The following RBFOX1 variants were observed in gnomAD, a reference collection of about 807,000 sequenced individuals.
RBFOX1 encodes the protein RNA binding protein fox-1 homolog 1.
Under a neutral mutation model 57.7 loss-of-function variants are expected in RBFOX1, and 8 were observed. That is an observed-to-expected ratio of 0.14 (90% CI 0.08 to 0.25). RBFOX1 has a LOEUF of 0.25. Among genes scored for constraint, RBFOX1 ranks in the 10% least tolerant of loss-of-function variants. RBFOX1 has a pLI of 1.00. For missense variants in RBFOX1, 611 were observed against 548.5 expected, an observed-to-expected ratio of 1.11 and a Z score of -1.14; for synonymous variants, 326 against 222.4, an observed-to-expected ratio of 1.47 and a Z score of -4.15.
At chr16:5,692,773 C>T (rs1045357982) in intron 3 of RBFOX1, among the ~76,000 whole-genome samples, 7 of 151,930 alleles carry the variant, frequency 4.6e-5, no homozygotes, top group South Asian at 2.1e-4. Context: ...CACAGCCCAC[C>T]GAACAAGAAA....
chr16:5,805,102 A>T, intron 3 of RBFOX1, among the ~76,000 whole-genome samples: 1 of 152,012 alleles, frequency 6.6e-6, no homozygotes, highest in East Asian at 1.9e-4. Context: ...ATTTGGGCTA[A>T]AAGCTGGGAA....
intron 1 of RBFOX1, among the ~76,000 whole-genome samples, chr16:6,118,173 T>C (rs2096517723): frequency 6.6e-6 from 1 of 152,214 alleles, no homozygotes; most frequent in South Asian, 2.1e-4. Context: ...TGCTGTTAAC[T>C]GAAATATATA....
At chr16:6,296,240 A>C (rs1415646771) in intron 1 of RBFOX1, among the ~76,000 whole-genome samples, 1 of 152,158 alleles carries the variant, frequency 6.6e-6, no homozygotes, top group African/African-American at 2.4e-5. Flanking sequence ...TGCCAAGTTC[A>C]GTGCTAGATT....
intron 10 of RBFOX1, among the ~76,000 whole-genome samples, chr16:7,620,077 C>G (rs1046924125): frequency 3.3e-5 from 5 of 152,128 alleles, no homozygotes; most frequent in African/African-American, 7.2e-5. Flanking sequence ...GTTTAGTGGC[C>G]AAACACAATA....
chr16:5,620,711 C>G (rs1409993900), intron 3 of RBFOX1, among the ~76,000 whole-genome samples: 3 of 152,180 alleles, frequency 2.0e-5, no homozygotes, highest in African/African-American at 7.2e-5. Context: ...TAGGGTCTCA[C>G]TCTGTCTCCC....
At chr16:6,743,526 G>T (rs887176346) in intron 3 of RBFOX1, among the ~76,000 whole-genome samples, 1 of 152,104 alleles carries the variant, frequency 6.6e-6, no homozygotes, top group Non-Finnish European at 1.5e-5. Context: ...AGGATGCCTT[G>T]AGCCCAGGAG....
At chr16:7,218,708 C>A (rs1260879298) in intron 4 of RBFOX1, among the ~76,000 whole-genome samples, 5 of 136,722 alleles carry the variant, frequency 3.7e-5, no homozygotes, top group East Asian at 4.2e-4. Context: ...GGCTGTGAGA[C>A]TTTGGTAAGT....
At chr16:7,160,900 C>G (rs1007581935) in intron 4 of RBFOX1, among the ~76,000 whole-genome samples, 30 of 151,388 alleles carry the variant, frequency 2.0e-4, no homozygotes, top group African/African-American at 7.1e-4. Context: ...CAATTCAACT[C>G]TAACTTCTTC....
intron 1 of RBFOX1, among the ~76,000 whole-genome samples, chr16:6,186,580 G>A (rs927966537): frequency 2.0e-5 from 3 of 152,232 alleles, no homozygotes; most frequent in African/African-American, 7.2e-5. Flanking sequence ...CTAGCTTCAC[G>A]TTGAAAGCAG....
chr16:7,430,433 A>G (rs2098667651), intron 4 of RBFOX1, among the ~76,000 whole-genome samples: 1 of 152,134 alleles, frequency 6.6e-6, no homozygotes, highest in South Asian at 2.1e-4. Context: ...AGGCTGAGGC[A>G]GGCAGATCAC....
At chr16:5,998,781 G>A (rs537975467) in intron 4 of RBFOX1, among the ~76,000 whole-genome samples, 1 of 152,304 alleles carries the variant, frequency 6.6e-6, no homozygotes, top group Admixed American at 6.5e-5. Flanking sequence ...CTTCTGGTCT[G>A]TCGGCATCTT....
At chr16:5,743,672 T>G (rs558872788) in intron 3 of RBFOX1, among the ~76,000 whole-genome samples, 1 of 152,338 alleles carries the variant, frequency 6.6e-6, no homozygotes, top group South Asian at 2.1e-4. Context: ...TTTTTGTTTA[T>G]TACGCTAAGA....
At chr16:6,339,128 A>T (rs1160000777) in intron 2 of RBFOX1, among the ~76,000 whole-genome samples, 1 of 152,224 alleles carries the variant, frequency 6.6e-6, no homozygotes, top group African/African-American at 2.4e-5. Context: ...TTAAATGAAT[A>T]TTTTATGGAA....
chr16:6,093,311 C>T (rs74661293), intron 1 of RBFOX1, among the ~76,000 whole-genome samples: 2,887 of 151,932 alleles, frequency 0.019, 105 homozygotes, highest in African/African-American at 0.067. Context: ...CAGTGGCTCG[C>T]ACCTGTAGGC....
At position 6,953,709 on chromosome 16, in the gene RBFOX1, C is replaced by T. The variant is rs142994052; in HGVS notation, c.-15-98348C>T. Among the ~76,000 whole-genome samples the T allele has an allele frequency of 7.9e-5, 12 of 152,276 alleles. No individual in the cohort carries two copies. The East Asian group carries it at 2.1e-3, about 27-fold the overall frequency. ...GCCTCACACGCACACGATATTTACACATACATACATATAAATATACATATT... is the reference window on the plus strand; with the variant it reads ...GCCTCACACGCACACGATATTTACATATACATACATATAAATATACATATT... On this transcript the variant is annotated intron_variant, in intron 3 of 15. Transcript: ENST00000550418.
intron 2 of RBFOX1, among the ~76,000 whole-genome samples, chr16:6,606,494 C>G (rs2097928017): frequency 6.6e-6 from 1 of 152,220 alleles, no homozygotes; most frequent in African/African-American, 2.4e-5. Context: ...TACGCATTAG[C>G]TGTTTATCCT....
chr16:7,575,113 T>C (rs902986810), intron 5 of RBFOX1, among the ~76,000 whole-genome samples: 2 of 151,972 alleles, frequency 1.3e-5, no homozygotes, highest in African/African-American at 4.8e-5. Context: ...AAAATCCTCC[T>C]GGATTTAGGA....
At chr16:5,444,909 C>G (rs548638207) in intron 1 of RBFOX1, among the ~76,000 whole-genome samples, 1 of 152,130 alleles carries the variant, frequency 6.6e-6, no homozygotes, top group Non-Finnish European at 1.5e-5. Context: ...ATTTTGCAGC[C>G]AATGAAAGTG....
chr16:5,814,069 G>T (rs2151786642), intron 3 of RBFOX1, among the ~76,000 whole-genome samples: 2 of 152,272 alleles, frequency 1.3e-5, no homozygotes, highest in Middle Eastern at 6.8e-3. Context: ...TAATGTCAGT[G>T]ACTAACCTTC....
Sources: gnomAD v4.1 joint callset for allele counts (sites outside exome capture counted in the v4.1 genomes callset) on GRCh38, gnomAD v4.1.1 for gene constraint, MANE v1.5 for transcripts, NCBI Gene and HGNC (gene_info 2026-07-23, HGNC 2026-07-21) for gene names.